Variants in FLRT2 observed in about 807,000 individuals in gnomAD.
FLRT2 encodes fibronectin leucine rich transmembrane protein 2.
FLRT2 carries 15 observed loss-of-function variants against 40.0 expected under a neutral mutation model. That is an observed-to-expected ratio of 0.38 (90% CI 0.25 to 0.58). The LOEUF (loss-of-function observed/expected upper bound fraction) is 0.58. Ranked by LOEUF, FLRT2 falls within the 20% of genes least tolerant of loss-of-function variation. The probability of loss-of-function intolerance (pLI) is 0.71; values close to 1 mark genes in which losing one functional copy is unlikely to be tolerated. For missense variants in FLRT2, 726 were observed against 840.0 expected (o/e 0.86, Z 1.68); for synonymous variants, 380 against 336.8 (o/e 1.13, Z -1.41).
At position 85,533,687 on chromosome 14, in the gene FLRT2, A is replaced by G. The variant is rs367847446; in HGVS notation, c.-377+3153A>G. 1.3e-4 allele frequency among the ~76,000 whole-genome samples: 20 copies of G among 152,070 alleles called. No homozygotes were observed. In the East Asian group the frequency reaches 1.4e-3, roughly 10 times the overall value. ...AGAAAGTGGCATGCCCGAACCCTGGAGGCGGTGGTGGCGGAGGACGGGGGA... is the reference window on the plus strand; with the variant it reads ...AGAAAGTGGCATGCCCGAACCCTGGGGGCGGTGGTGGCGGAGGACGGGGGA... On this transcript the variant is annotated intron_variant, in intron 1 of 1. Transcript: ENST00000330753.
At chr14:85,542,562 G>A (rs1889039685) in intron 1 of FLRT2, among the ~76,000 whole-genome samples, 1 of 152,092 alleles carries the variant, frequency 6.6e-6, no homozygotes, top group Admixed American at 6.5e-5. Context: ...TTTGTAAGCT[G>A]TTAACATCTT....
chr14:85,557,270 C>CT (rs1212766070), intron 1 of FLRT2, among the ~76,000 whole-genome samples: 6 of 150,444 alleles, frequency 4.0e-5, no homozygotes, highest in African/African-American at 1.5e-4. Flanking sequence ...TTTTCTGAAG[C>CT]TTTTTTTAAT....
chr14:85,541,182 T>C (rs939608741), intron 1 of FLRT2, among the ~76,000 whole-genome samples: 7 of 152,136 alleles, frequency 4.6e-5, no homozygotes, highest in Non-Finnish European at 7.4e-5. Flanking sequence ...AATCAGAAAA[T>C]ATATTTAAGT....
Position 85,621,791 on chromosome 14 carries a change from G to A in FLRT2, c.277G>A (p.Val93Ile), listed in dbSNP as rs1394042512. The A allele has an allele frequency of 6.2e-7, 1 of 1,614,184 alleles. No individual in the cohort carries two copies. The highest frequency in any genetic ancestry group is 8.5e-7 in the Non-Finnish European group (1 of 1,180,022). ...GCACAATGTACAGTCGGTGCACACG[G>A]TCTACCTGTATGGCAACCAACTGGA... ...ELHNVQSVHT[V>I]YLYGNQLDEF... Residue 93 changes from valine to isoleucine, a missense_variant, in exon 2 of 2, where the codon GTC (valine) becomes ATC (isoleucine). By Grantham distance (29) the Val-to-Ile change is conservative. Transcript: ENST00000330753.
chr14:85,606,671 C>G (rs909185480), intron 1 of FLRT2, among the ~76,000 whole-genome samples: 3 of 151,124 alleles, frequency 2.0e-5, no homozygotes, highest in Admixed American at 2.0e-4. Context: ...ATTACAGGCA[C>G]GCACCACCAC....
At chr14:85,598,945 T>A (rs1428304608) in intron 1 of FLRT2, among the ~76,000 whole-genome samples, 3 of 119,790 alleles carry the variant, frequency 2.5e-5, no homozygotes, top group African/African-American at 1.0e-4. Flanking sequence ...TGAGACGGAG[T>A]CTCGCTCTGT....
chr14:85,554,275 G>T (rs1278504687), intron 1 of FLRT2, among the ~76,000 whole-genome samples: 1 of 152,198 alleles, frequency 6.6e-6, no homozygotes, highest in East Asian at 1.9e-4. Context: ...ATTTAACAAA[G>T]TCATGTCACA....
At chr14:85,577,593 T>A (rs979903205) in intron 1 of FLRT2, among the ~76,000 whole-genome samples, 23 of 152,042 alleles carry the variant, frequency 1.5e-4, no homozygotes, top group African/African-American at 2.2e-4. Context: ...GATTATTTTT[T>A]TTTTTTCTTT....
At chr14:85,582,957 G>C (rs1345149179) in intron 1 of FLRT2, among the ~76,000 whole-genome samples, 2 of 151,650 alleles carry the variant, frequency 1.3e-5, no homozygotes, top group Non-Finnish European at 2.9e-5. Context: ...TGATTTCACA[G>C]CTCTGGAGGT....
chr14:85,604,890 G>T (rs34924507), intron 1 of FLRT2, among the ~76,000 whole-genome samples: 32,209 of 152,010 alleles, frequency 0.21, 3,852 homozygotes, highest in Middle Eastern at 0.28. Context: ...AAGACATTTG[G>T]TCCTCCCAGC....
chr14:85,536,634 A>G (rs1888676405), intron 1 of FLRT2, among the ~76,000 whole-genome samples: 2 of 102,202 alleles, frequency 2.0e-5, no homozygotes, highest in Admixed American at 1.1e-4. Context: ...GTGAATACTC[A>G]TGGTTTTTTT....
intron 1 of FLRT2, among the ~76,000 whole-genome samples, chr14:85,550,451 T>C (rs949825485): frequency 6.6e-6 from 1 of 152,144 alleles, no homozygotes; most frequent in East Asian, 1.9e-4. Flanking sequence ...TTGTGGAAAA[T>C]GTGACGTGAT....
chr14:85,557,822 A>AG (rs1566726337), intron 1 of FLRT2, among the ~76,000 whole-genome samples: 1 of 151,190 alleles, frequency 6.6e-6, no homozygotes, highest in Non-Finnish European at 1.5e-5. Context: ...ATTTCAATAA[A>AG]TAAATAAATT....
rs1049690651 is a variant in FLRT2, at chr14:85,547,331, T to C, written c.-377+16797T>C. Among the ~76,000 whole-genome samples, 127 of 151,486 alleles carry C rather than the reference T, an allele frequency of 8.4e-4. 1 individual carries two copies. Among genetic ancestry groups the C allele is most frequent in the Non-Finnish European group, 5.7e-4 (39 of 67,854 alleles). On this transcript the variant is annotated intron_variant, in intron 1 of 1. Coordinates refer to ENST00000330753, the MANE Select transcript of FLRT2 (RefSeq NM_013231.6). ...GTCTTTCTTTTCTTTCTTTCTTTTTTTTTTTTTTTGAGATGGAGTTTCGCT... is the reference window on the plus strand; with the variant it reads ...GTCTTTCTTTTCTTTCTTTCTTTTTCTTTTTTTTTGAGATGGAGTTTCGCT...
At chr14:85,590,509 G>T (rs1357391243) in intron 1 of FLRT2, among the ~76,000 whole-genome samples, 1 of 152,174 alleles carries the variant, frequency 6.6e-6, no homozygotes, top group Non-Finnish European at 1.5e-5. Context: ...CTTGTATAGA[G>T]ATCCATGTAT....
Position 85,642,521 on chromosome 14 carries a change from T to A in FLRT2, c.*19024T>A, listed in dbSNP as rs534041058. ...CCAGTGTCTCAGTAGGGCTTAAATA[T>A]GAAGTATAAACTGGGAAGAAAAGGC... On this transcript the variant is annotated 3_prime_UTR_variant, in exon 2 of 2. Transcript: ENST00000330753. 1 of 152,196 alleles carries A rather than the reference T, an allele frequency of 6.6e-6. No individual in the cohort carries two copies. Among genetic ancestry groups the A allele is most frequent in the African/African-American group, 2.4e-5 (1 of 41,478 alleles). The allele number at this position is 152,196 out of a possible 1,614,324, so 9.4% of individuals were successfully genotyped here.
Position 85,630,233 on chromosome 14 carries a change from C to T in FLRT2, c.*6736C>T, listed in dbSNP as rs542573267. On this transcript the variant is annotated 3_prime_UTR_variant, in exon 2 of 2. Transcript: ENST00000330753. ...TACAAAAGTTTTTAATGGTAATAAC[C>T]CAAACTATATGTCATTTTAGCACAC... The T allele has an allele frequency of 6.7e-6, 1 of 150,002 alleles. No homozygotes were observed. Among genetic ancestry groups the T allele is most frequent in the South Asian group, 2.1e-4 (1 of 4,698 alleles). The allele number at this position is 150,002 out of a possible 1,614,324, so 9.3% of individuals were successfully genotyped here.
chr14:85,538,736 G>C (rs1888814864), intron 1 of FLRT2, among the ~76,000 whole-genome samples: 1 of 152,128 alleles, frequency 6.6e-6, no homozygotes, highest in African/African-American at 2.4e-5. Context: ...CAAAAGAACA[G>C]TGGCTCCTAA....
At position 85,633,959 on chromosome 14, in the gene FLRT2, C is replaced by T. The variant is rs956593929; in HGVS notation, c.*10462C>T. On this transcript the variant is annotated 3_prime_UTR_variant, in exon 2 of 2. Coordinates refer to ENST00000330753, the MANE Select transcript of FLRT2 (RefSeq NM_013231.6). ...GGATGGTAGCAGTCAAATGGAAGAA[C>T]ATTTTAATGTCTCTACAATGCAGGT... 2 of 152,120 alleles carry T rather than the reference C, an allele frequency of 1.3e-5. No homozygotes were observed. Among genetic ancestry groups the T allele is most frequent in the African/African-American group, 2.4e-5 (1 of 41,422 alleles). 9.4% of individuals were successfully genotyped at this position (152,120 alleles called of 1,614,324 possible).
Sources: allele counts gnomAD v4.1 joint callset (sites outside exome capture counted in the v4.1 genomes callset), GRCh38; gene constraint gnomAD v4.1.1; transcripts MANE v1.5; gene names NCBI Gene and HGNC (gene_info 2026-07-23, HGNC 2026-07-21).